Variants in MBTPS2 observed in about 807,000 individuals in gnomAD.
The protein encoded by MBTPS2 is membrane-bound transcription factor site-2 protease.
A neutral mutation model predicts 35.4 loss-of-function variants in MBTPS2; 2 were observed. The ratio of observed to expected loss-of-function variants is 0.06; its 90% CI spans 0.02 to 0.18. MBTPS2 has a LOEUF of 0.18. MBTPS2 is among the 10% of genes least tolerant of loss of function. The pLI is 1.00. For missense variants in MBTPS2, 244 were observed against 386.5 expected (o/e 0.63, Z 3.09); for synonymous variants, 125 against 140.4 (o/e 0.89, Z 0.77).
intron 5 of MBTPS2, among the ~76,000 whole-genome samples, chrX:21,859,313 C>T (rs1485377212): frequency 1.1e-5 from 1 of 92,876 alleles, no homozygotes; most frequent in Non-Finnish European, 2.1e-5. Flanking sequence ...TATATGCATA[C>T]GTGAAGTATT....
intron 3 of MBTPS2, among the ~76,000 whole-genome samples, chrX:21,849,749 G>A (rs1018858275): frequency 1.2e-4 from 13 of 107,770 alleles, no homozygotes; most frequent in African/African-American, 3.7e-4. Flanking sequence ...AGGACCGGCC[G>A]GGCGCAGTGG....
chrX:21,864,113 C>A (rs1244589338), intron 5 of MBTPS2, among the ~76,000 whole-genome samples: 1 of 112,488 alleles, frequency 8.9e-6, no homozygotes, highest in Non-Finnish European at 1.9e-5. Context: ...GTACCCTCTG[C>A]CTACTTTATT....
At position 21,877,859 on chromosome X, in the gene MBTPS2, A is replaced by G. The variant is rs1032896257; in HGVS notation, c.971-183A>G. ...CTGCTGCTTCATGATTTAAAATTGAATGGATCTCTTTTGGTAATGTAAAAT... is the reference window on the plus strand; with the variant it reads ...CTGCTGCTTCATGATTTAAAATTGAGTGGATCTCTTTTGGTAATGTAAAAT... On this transcript the variant is annotated intron_variant, in intron 7 of 10. Transcript: ENST00000379484. 2.7e-5 allele frequency among the ~76,000 whole-genome samples: 3 copies of G among 112,254 alleles called. No individual in the cohort carries two copies. The Admixed American group carries it at 2.8e-4, about 11-fold the overall frequency.
rs2092925496 is a variant in MBTPS2, at chrX:21,857,821, A to G, written c.670+4318A>G. On this transcript the variant is annotated intron_variant, in intron 5 of 10. Transcript: ENST00000379484. ...TAAGATAATAGTGCTAAGATGCCATAGCTTGTTCTGTAACTATTTTTGTAA... is the reference window on the plus strand; with the variant it reads ...TAAGATAATAGTGCTAAGATGCCATGGCTTGTTCTGTAACTATTTTTGTAA... 8.2e-6 allele frequency: 3 copies of G among 363,807 alleles called. No homozygotes were observed. The South Asian group carries it at 3.4e-4, about 41-fold the overall frequency. 30.0% of individuals were successfully genotyped at this position (363,807 alleles called of 1,213,427 possible).
At chrX:21,842,590 G>GCC (rs1181205852) in intron 1 of MBTPS2, among the ~76,000 whole-genome samples, 1 of 110,226 alleles carries the variant, frequency 9.1e-6, no homozygotes, top group African/African-American at 3.3e-5. Context: ...ACGAAGTAAT[G>GCC]CCCCCCCCAA....
At position 21,839,683 on chromosome X, in the gene MBTPS2, C is replaced by T. The variant is rs2092900453; in HGVS notation, c.-52C>T. 1 of 1,130,250 alleles carries T rather than the reference C, an allele frequency of 8.8e-7. No individual in the cohort carries two copies. Among genetic ancestry groups the T allele is most frequent in the African/African-American group, 1.8e-5 (1 of 55,087 alleles). 93.1% of individuals were successfully genotyped at this position (1,130,250 alleles called of 1,213,427 possible). A position where few individuals can be genotyped will look rare whatever the true frequency, so the allele number is the denominator to read the frequency against. On this transcript the variant is annotated 5_prime_UTR_variant, in exon 1 of 11. Coordinates refer to ENST00000379484, the MANE Select transcript of MBTPS2 (RefSeq NM_015884.4). ...CGCGCGCGGTCAGCTGTTGGCGGTG[C>T]AGGGAGGAGGACGCCGGGGCTCGCC...
chrX:21,857,235 C>G, intron 5 of MBTPS2: 3 of 1,211,970 alleles, frequency 2.5e-6, no homozygotes, highest in Non-Finnish European at 3.3e-6. Flanking sequence ...AGGAGAACCT[C>G]CCAAAACAGT....
chrX:21,874,838 T>C (rs1354711071), intron 7 of MBTPS2, among the ~76,000 whole-genome samples: 1 of 112,400 alleles, frequency 8.9e-6, no homozygotes, highest in African/African-American at 3.2e-5. Context: ...CCTCTCGTAA[T>C]TAATAAAAAT....
At chrX:21,858,933 G>C (rs1306898060) in intron 5 of MBTPS2, among the ~76,000 whole-genome samples, 1 of 103,183 alleles carries the variant, frequency 9.7e-6, no homozygotes, top group East Asian at 3.1e-4. Context: ...GGGGCTGGGC[G>C]CAGGGCTCCT....
rs756860363 is a variant in MBTPS2, at chrX:21,869,582, G to A, written c.874G>A (p.Asp292Asn). The A allele has an allele frequency of 4.6e-5, 55 of 1,207,275 alleles. No homozygotes were observed. The highest frequency in any genetic ancestry group is 6.0e-5 in the Non-Finnish European group (54 of 892,765). The part of the protein sequence containing the change: ...LQDCPVTNVQ[D>N]WNECLDTIAY... ...GGATTGTCCTGTTACTAATGTGCAAGATTGGAATGAATGTTTAGATACCAT... is the reference window on the plus strand; with the variant it reads ...GGATTGTCCTGTTACTAATGTGCAAAATTGGAATGAATGTTTAGATACCAT... The change falls in exon 7 of 11, where the codon GAT (aspartate) becomes AAT (asparagine). Residue 292 changes from aspartate (D) to asparagine (N), a missense_variant. By Grantham distance (23) the Asp-to-Asn change is conservative (BLOSUM62 1). Transcript: ENST00000379484.
intron 1 of MBTPS2, chrX:21,841,944 G>C (rs1324170660): frequency 8.9e-6 from 1 of 111,814 alleles, no homozygotes; most frequent in Non-Finnish European, 1.9e-5. Context: ...GAGAAGTTGT[G>C]TCACTCCTTT....
intron 2 of MBTPS2, among the ~76,000 whole-genome samples, chrX:21,844,038 AG>A (rs1285049540): frequency 9.3e-6 from 1 of 108,105 alleles, no homozygotes; most frequent in African/African-American, 3.4e-5. Flanking sequence ...TGAACTTGGG[AG>A]GCAGAGGTTG....
chrX:21,853,884 T>C (rs2092917438), intron 5 of MBTPS2, among the ~76,000 whole-genome samples: 1 of 111,244 alleles, frequency 9.0e-6, no homozygotes, highest in Admixed American at 9.6e-5. Context: ...AAAAGGGTTA[T>C]GAAAGGATGA....
chrX:21,856,880 A>G, intron 5 of MBTPS2: 3 of 1,211,533 alleles, frequency 2.5e-6, no homozygotes, highest in Non-Finnish European at 3.4e-6. Context: ...CAACATCAAC[A>G]TCAACCCAGA....
At chrX:21,868,361 T>A in intron 5 of MBTPS2, 106 bp from the exon 6 acceptor site, 1 of 582,502 alleles carries the variant, frequency 1.7e-6, no homozygotes, top group Non-Finnish European at 3.1e-6. Context: ...TTGCTTCTTC[T>A]GATCACTTTA....
In MBTPS2 at chrX:21,879,949, C is replaced by CTTTTTTTTTT. The variant is rs60769329; in HGVS notation, c.1262-936_1262-927dup. ...ATGGATATGTGGGTTTTATGTTATT[C>CTTTTTTTTTT]TTTTTTTTTTTTTTTTTTTTTGAGA... On this transcript the variant is annotated intron_variant, in intron 9 of 10. Coordinates refer to ENST00000379484, the MANE Select transcript of MBTPS2 (RefSeq NM_015884.4). Among the ~76,000 whole-genome samples, 6 of 47,425 alleles carry CTTTTTTTTTT rather than the reference C, an allele frequency of 1.3e-4. 1 individual carries two copies. Among genetic ancestry groups the CTTTTTTTTTT allele is most frequent in the African/African-American group, 4.0e-4 (3 of 7,496 alleles). 41.2% of individuals were successfully genotyped at this position (47,425 alleles called of 115,157 possible).
At chrX:21,867,953 G>C (rs1225597223) in intron 5 of MBTPS2, among the ~76,000 whole-genome samples, 1 of 111,353 alleles carries the variant, frequency 9.0e-6, no homozygotes, top group Non-Finnish European at 1.9e-5. Context: ...GTTTTCTTAT[G>C]GTTTGTTGCT....
chrX:21,867,013 T>G (rs2092940776), intron 5 of MBTPS2, among the ~76,000 whole-genome samples: 1 of 77,923 alleles, frequency 1.3e-5, no homozygotes, highest in African/African-American at 5.2e-5. Flanking sequence ...CGTGACTCTG[T>G]CTCAAAAAAA....
intron 7 of MBTPS2, among the ~76,000 whole-genome samples, chrX:21,875,937 A>G (rs1198644760): frequency 1.8e-5 from 2 of 111,872 alleles, no homozygotes; most frequent in African/African-American, 6.5e-5. Flanking sequence ...AACTGCCAGT[A>G]ATTCAGTTTA....
Sources: gnomAD v4.1 joint callset for allele counts (sites outside exome capture counted in the v4.1 genomes callset) on GRCh38, gnomAD v4.1.1 for gene constraint, MANE v1.5 for transcripts, NCBI Gene and HGNC (gene_info 2026-07-23, HGNC 2026-07-21) for gene names.